Variants in PRDM16 observed in about 807,000 individuals in gnomAD.
The protein encoded by PRDM16 is PR/SET domain 16.
In PRDM16, 23 loss-of-function variants were observed where a neutral mutation model predicts 110.6. The ratio of observed to expected loss-of-function variants is 0.21; its 90% CI spans 0.15 to 0.29. The LOEUF (loss-of-function observed/expected upper bound fraction) is 0.29. Among genes scored for constraint, PRDM16 ranks in the 10% least tolerant of loss-of-function variants. The probability of loss-of-function intolerance (pLI) is 1.00; values close to 1 mark genes in which losing one functional copy is unlikely to be tolerated. For synonymous variants in PRDM16, 799 were observed against 781.8 expected, an observed-to-expected ratio of 1.02 and a Z score of -0.37; for missense variants, 1,615 against 1,794.3, an observed-to-expected ratio of 0.90 and a Z score of 1.81.
At chr1:3,228,233 G>A (rs1639336378) in intron 2 of PRDM16, among the ~76,000 whole-genome samples, 1 of 152,212 alleles carries the variant, frequency 6.6e-6, no homozygotes, top group South Asian at 2.1e-4. Context: ...GCAAACCGAG[G>A]ATGGGATGCA....
In PRDM16 at chr1:3,339,685, G is replaced by T. The variant is rs1334684735; in HGVS notation, c.439-45467G>T. Among the ~76,000 whole-genome samples, 1 of 152,116 alleles carries T rather than the reference G, an allele frequency of 6.6e-6. No individual in the cohort carries two copies. Among genetic ancestry groups the T allele is most frequent in the Non-Finnish European group, 1.5e-5 (1 of 68,020 alleles). ...CTGGCTGCATTGTGTGTGTGGTGGG[G>T]GGTGTGCAGAGCTCAGTTACCCCAT... On this transcript the variant is annotated intron_variant, in intron 3 of 16. Coordinates refer to ENST00000270722, the MANE Select transcript of PRDM16 (RefSeq NM_022114.4). The surrounding 1 kb of genome is among the most constrained non-coding windows in gnomAD (Gnocchi z 5.0).
At chr1:3,252,224 G>A (rs1307609446) in intron 3 of PRDM16, among the ~76,000 whole-genome samples, 5 of 152,224 alleles carry the variant, frequency 3.3e-5, no homozygotes, top group Non-Finnish European at 7.3e-5. Flanking sequence ...TCCCTCTCGT[G>A]GTGCAGGTTG....
Position 3,425,435 on chromosome 1 carries a change from G to T in PRDM16, c.2940-146G>T. The T allele has an allele frequency of 2.4e-6, 2 of 819,280 alleles. No individual in the cohort carries two copies. The highest frequency in any genetic ancestry group is 3.7e-6 in the Non-Finnish European group (2 of 535,498). 50.8% of individuals were successfully genotyped at this position (819,280 alleles called of 1,614,324 possible). A position where few individuals can be genotyped will look rare whatever the true frequency, so the allele number is the denominator to read the frequency against. On this transcript the variant is annotated intron_variant, in intron 12 of 16. Coordinates refer to ENST00000270722, the MANE Select transcript of PRDM16 (RefSeq NM_022114.4). The surrounding 1 kb of genome is among the most constrained non-coding windows in gnomAD (Gnocchi z 6.9). ...GATGCCTTTGGCTCTGCAGCTGGGA[G>T]ATCCAGCAACCTCCGGGACACGGCG...
At chr1:3,409,114 CGT>C (rs1643622362) in intron 8 of PRDM16, among the ~76,000 whole-genome samples, 2 of 140,438 alleles carry the variant, frequency 1.4e-5, no homozygotes, top group African/African-American at 5.4e-5. Context: ...CGAGTGTGGG[CGT>C]GTGAGTTGAT....
At chr1:3,282,452 G>T (rs529393771) in intron 3 of PRDM16, among the ~76,000 whole-genome samples, 28 of 152,312 alleles carry the variant, frequency 1.8e-4, no homozygotes, top group East Asian at 1.4e-3. Context: ...GGCCAGCGCC[G>T]CAGGGCCCCC....
chr1:3,429,666 G>T (rs938474331), intron 14 of PRDM16, among the ~76,000 whole-genome samples: 1 of 152,242 alleles, frequency 6.6e-6, no homozygotes, highest in African/African-American at 2.4e-5. Context: ...GGAGATGGGT[G>T]TGTGTACAGG....
chr1:3,222,825 G>T (rs1303357499), intron 2 of PRDM16, among the ~76,000 whole-genome samples: 3 of 152,238 alleles, frequency 2.0e-5, no homozygotes, highest in Non-Finnish European at 4.4e-5. Context: ...CTGGGCTTGT[G>T]GTTTCCAAAG....
chr1:3,394,534 G>C (rs924595211), intron 4 of PRDM16: 1 of 422,458 alleles, frequency 2.4e-6, no homozygotes, highest in Admixed American at 2.4e-5. Context: ...TGGAGCCAAG[G>C]GGCGGGCGGC....
At chr1:3,249,125 C>T (rs1639865123) in intron 3 of PRDM16, among the ~76,000 whole-genome samples, 1 of 151,464 alleles carries the variant, frequency 6.6e-6, no homozygotes, top group Non-Finnish European at 1.5e-5. Context: ...ACCACGCAGC[C>T]GGAGACTGCT....
At position 3,350,592 on chromosome 1, in the gene PRDM16, G is replaced by A. The variant is rs2100534368; in HGVS notation, c.439-34560G>A. Among the ~76,000 whole-genome samples the A allele has an allele frequency of 6.6e-6, 1 of 152,252 alleles. No individual in the cohort carries two copies. Among genetic ancestry groups the A allele is most frequent in the East Asian group, 1.9e-4 (1 of 5,150 alleles). ...GGGTGGCAGGCAGCTGTGGGCGGGTGGAAAGCAGAGCTGGGAGCCAGCCCT... is the reference window on the plus strand; with the variant it reads ...GGGTGGCAGGCAGCTGTGGGCGGGTAGAAAGCAGAGCTGGGAGCCAGCCCT... On this transcript the variant is annotated intron_variant, in intron 3 of 16. Transcript: ENST00000270722. The surrounding 1 kb of genome is among the most constrained non-coding windows in gnomAD (Gnocchi z 7.1).
chr1:3,135,173 G>C (rs1643411520), intron 1 of PRDM16, among the ~76,000 whole-genome samples: 1 of 152,194 alleles, frequency 6.6e-6, no homozygotes, highest in Non-Finnish European at 1.5e-5. Context: ...AGTCCAGCCT[G>C]GTCCCCACCA....
intron 1 of PRDM16, among the ~76,000 whole-genome samples, chr1:3,185,858 G>T (rs1210375214): frequency 6.6e-6 from 1 of 152,228 alleles, no homozygotes; most frequent in African/African-American, 2.4e-5. Context: ...GAGCCAGGGT[G>T]TGTCGGGCTG....
chr1:3,165,639 T>C lies in PRDM16; in HGVS notation c.38-20486T>C, dbSNP rs867880567. Among the ~76,000 whole-genome samples the C allele has an allele frequency of 1.3e-3, 128 of 97,306 alleles. 1 individual carries two copies. The highest frequency in any genetic ancestry group is 5.7e-3 in the African/African-American group (102 of 18,006). The allele number at this position is 97,306 out of a possible 152,430, so 63.8% of individuals were successfully genotyped here. A position where few individuals can be genotyped will look rare whatever the true frequency, so the allele number is the denominator to read the frequency against. ...CTCAGGGACAGGGACTCACCTGGGC[T>C]CAGGGACAGGGACTCACCTGGGCTC... On this transcript the variant is annotated intron_variant, in intron 1 of 16. Coordinates refer to ENST00000270722, the MANE Select transcript of PRDM16 (RefSeq NM_022114.4).
At chr1:3,117,200 C>T (rs1230767672) in intron 1 of PRDM16, among the ~76,000 whole-genome samples, 2 of 152,212 alleles carry the variant, frequency 1.3e-5, no homozygotes, top group African/African-American at 2.4e-5. Context: ...CTCACACCGG[C>T]CTCTATGAGA....
chr1:3,091,805 G>A (rs1269627075), intron 1 of PRDM16, among the ~76,000 whole-genome samples: 1 of 152,222 alleles, frequency 6.6e-6, no homozygotes, highest in African/African-American at 2.4e-5. Context: ...GGCTGATGGA[G>A]GGGCCCCCAC....
chr1:3,402,199 G>A (rs913735642), intron 5 of PRDM16, among the ~76,000 whole-genome samples: 1 of 152,154 alleles, frequency 6.6e-6, no homozygotes, highest in Admixed American at 6.5e-5. Context: ...TTGTTGGGGG[G>A]GTCTCCCGTC....
At position 3,157,822 on chromosome 1, in the gene PRDM16, A is replaced by T. The variant is rs1643870416; in HGVS notation, c.38-28303A>T. Among the ~76,000 whole-genome samples, 1 of 152,202 alleles carries T rather than the reference A, an allele frequency of 6.6e-6. No homozygotes were observed. Among genetic ancestry groups the T allele is most frequent in the African/African-American group, 2.4e-5 (1 of 41,464 alleles). ...GCTGGGGATGTGTCCAGGGTCACCG[A>T]GGCCATCTGGCCTCCCCCAGCACCG... On this transcript the variant is annotated intron_variant, in intron 1 of 16. Transcript: ENST00000270722. This position sits in a 1 kb window ranked among gnomAD's most constrained non-coding sequence, Gnocchi z 4.8.
chr1:3,181,388 C>T (rs1160622520), intron 1 of PRDM16, among the ~76,000 whole-genome samples: 490 of 5,990 alleles, frequency 0.082, 107 homozygotes, highest in Middle Eastern at 0.17. Context: ...TTACACACGG[C>T]CTTACGCATG....
intron 1 of PRDM16, among the ~76,000 whole-genome samples, chr1:3,150,420 G>T (rs904071285): frequency 1.3e-5 from 2 of 151,486 alleles, no homozygotes; most frequent in Non-Finnish European, 2.9e-5. Flanking sequence ...TCAGCTGGGC[G>T]TGGTGGCCCG....
Sources: allele counts gnomAD v4.1 joint callset (sites outside exome capture counted in the v4.1 genomes callset), GRCh38; gene constraint gnomAD v4.1.1; non-coding constraint Gnocchi (gnomAD v3.1); transcripts MANE v1.5; gene names NCBI Gene and HGNC (gene_info 2026-07-23, HGNC 2026-07-21).